Variants in COL28A1 observed in about 807,000 individuals in gnomAD.
COL28A1 encodes the protein collagen type XXVIII alpha 1 chain, also known as collagen alpha-1(XXVIII) chain.
Under a neutral mutation model 150.2 loss-of-function variants are expected in COL28A1, and 161 were observed. The ratio of observed to expected loss-of-function variants is 1.07; its 90% CI spans 0.94 to 1.22. COL28A1 has a LOEUF of 1.22. Ranked by LOEUF, COL28A1 falls within the 50% of genes most tolerant of loss-of-function variation. The pLI, the probability that COL28A1 is intolerant of heterozygous loss-of-function variation, is 0.00. For synonymous variants in COL28A1, 552 were observed against 469.7 expected, an observed-to-expected ratio of 1.18 and a Z score of -2.26; for missense variants, 1,617 against 1,388.3, an observed-to-expected ratio of 1.16 and a Z score of -2.62.
Position 7,370,767 on chromosome 7 carries a change from G to A in COL28A1, c.3024C>T (p.Leu1008=). The part of the protein sequence containing the change: ...QPGFGMSGEE[L]SESTPEPQKE... Reference sequence around the variant, plus strand: ...TTTGAGGCTCTGGAGTAGATTCACTGAGTTCTTCCCCTGACATCCCAAATC... The same window carrying A: ...TTTGAGGCTCTGGAGTAGATTCACTAAGTTCTTCCCCTGACATCCCAAATC... The change falls in exon 33 of 35, where the codon CTC becomes CTT. Residue 1008 remains leucine (L), a synonymous_variant. Coordinates refer to ENST00000399429, the MANE Select transcript of COL28A1 (RefSeq NM_001037763.3). The A allele has an allele frequency of 3.7e-6, 6 of 1,613,708 alleles. No individual in the cohort carries two copies. Among genetic ancestry groups the A allele is most frequent in the Non-Finnish European group, 5.1e-6 (6 of 1,179,804 alleles).
chr7:7,430,901 C>T (rs1361381360), intron 25 of COL28A1, among the ~76,000 whole-genome samples: 6 of 152,286 alleles, frequency 3.9e-5, no homozygotes, highest in South Asian at 4.2e-4. Context: ...GATCCTTCAT[C>T]GAAGCACCTC....
chr7:7,358,644 T>C lies in COL28A1; in HGVS notation c.3367A>G (p.Ile1123Val), dbSNP rs774522241. 3 of 1,613,924 alleles carry C rather than the reference T, an allele frequency of 1.9e-6. No homozygotes were observed. The highest frequency in any genetic ancestry group is 2.2e-5 in the South Asian group (2 of 91,014). The change falls in exon 35 of 35, where the codon ATT (isoleucine) becomes GTT (valine). Residue 1123 changes from isoleucine (I) to valine (V), a missense_variant. Coordinates refer to ENST00000399429, the MANE Select transcript of COL28A1 (RefSeq NM_001037763.3). ...GCCAATTTACTTGCTCATCCTTGAA[T>C]GCAGGTTTCTTGACATTCCTTTTCA... ...NSEKECQETC[I>V]QG is the part of the protein sequence containing the mutation.
chr7:7,453,364 C>T (rs17167926), intron 17 of COL28A1, 76 bp downstream of exon 17: 64,239 of 830,132 alleles, frequency 0.077, 2,676 homozygotes, highest in Middle Eastern at 0.1. Context: ...TGCTGTCTTC[C>T]CTTGCACTGG....
chr7:7,443,554 G>A, intron 20 of COL28A1, 31 bp downstream of exon 20: 1 of 1,613,114 alleles, frequency 6.2e-7, no homozygotes, highest in Non-Finnish European at 8.5e-7. Context: ...CAGAACACAG[G>A]CTGCTTCCAC....
intron 26 of COL28A1, among the ~76,000 whole-genome samples, chr7:7,418,836 T>TG (rs1212524460): frequency 1.3e-5 from 2 of 152,128 alleles, no homozygotes; most frequent in Non-Finnish European, 2.9e-5. Context: ...ACTAACATCT[T>TG]GGGGGGATCT....
intron 27 of COL28A1, among the ~76,000 whole-genome samples, chr7:7,384,245 T>A (rs1201293848): frequency 2.6e-5 from 4 of 152,172 alleles, no homozygotes; most frequent in African/African-American, 9.7e-5. Context: ...TGGAAATGGG[T>A]ATGCAGTGTT....
intron 17 of COL28A1, among the ~76,000 whole-genome samples, chr7:7,452,664 G>C (rs747576591): frequency 6.6e-6 from 1 of 152,190 alleles, no homozygotes; most frequent in Non-Finnish European, 1.5e-5. Context: ...CTTGTGGAGG[G>C]TATCTGGAAA....
At chr7:7,494,275 T>C (rs937899763) in intron 11 of COL28A1, among the ~76,000 whole-genome samples, 25 of 152,280 alleles carry the variant, frequency 1.6e-4, no homozygotes, top group Non-Finnish European at 3.1e-4. Flanking sequence ...GGTTTTTTTT[T>C]CGAACTCCTT....
At chr7:7,407,294 C>A (rs1783543367) in intron 27 of COL28A1, among the ~76,000 whole-genome samples, 1 of 151,882 alleles carries the variant, frequency 6.6e-6, no homozygotes, top group South Asian at 2.1e-4. Context: ...AAATATAACA[C>A]AGAGAATTTT....
At chr7:7,501,959 A>C (rs1258452788) in intron 11 of COL28A1, among the ~76,000 whole-genome samples, 1 of 152,002 alleles carries the variant, frequency 6.6e-6, no homozygotes, top group Non-Finnish European at 1.5e-5. Context: ...GCAGTGGTGC[A>C]ATCTTGGCTC....
chr7:7,471,296 T>A (rs1788406246), intron 15 of COL28A1, among the ~76,000 whole-genome samples: 1 of 151,898 alleles, frequency 6.6e-6, no homozygotes, highest in Non-Finnish European at 1.5e-5. Flanking sequence ...TACCAGACAT[T>A]CAAAGAATTA....
intron 33 of COL28A1, among the ~76,000 whole-genome samples, chr7:7,363,073 GT>G (rs918201348): frequency 1.3e-5 from 2 of 151,728 alleles, no homozygotes; most frequent in Non-Finnish European, 2.9e-5. Flanking sequence ...AAAAGTACTG[GT>G]TTTTTTTGCC....
Position 7,358,554 on chromosome 7 carries a change from A to G in COL28A1, c.*79T>C. On this transcript the variant is annotated 3_prime_UTR_variant, in exon 35 of 35. Transcript: ENST00000399429. ...AAATACTCAGTATACACTCAAATAT[A>G]GTGCTGTATTTGTATTGGGTGAATA... 1 of 1,283,594 alleles carries G rather than the reference A, an allele frequency of 7.8e-7. No homozygotes were observed. The highest frequency in any genetic ancestry group is 1.1e-6 in the Non-Finnish European group (1 of 898,316). 79.5% of individuals were successfully genotyped at this position (1,283,594 alleles called of 1,614,324 possible).
intron 10 of COL28A1, among the ~76,000 whole-genome samples, chr7:7,506,571 T>G (rs1249776091): frequency 6.6e-6 from 1 of 152,194 alleles, no homozygotes; most frequent in East Asian, 1.9e-4. Context: ...TGAAATTAAC[T>G]CCTCACACAG....
At chr7:7,349,527 C>G in the COL28A1 span, among the ~76,000 whole-genome samples, 1 of 152,122 alleles carries the variant, frequency 6.6e-6, no homozygotes, top group Non-Finnish European at 1.5e-5. Context: ...TTACAGTACT[C>G]TTCCTTCAGA....
Position 7,358,541 on chromosome 7 carries a change from T to G in COL28A1, c.*92A>C. 8.6e-7 allele frequency: 1 copy of G among 1,159,966 alleles called. No individual in the cohort carries two copies. The highest frequency in any genetic ancestry group is 1.4e-5 in the South Asian group (1 of 69,848). The allele number at this position is 1,159,966 out of a possible 1,614,324, so 71.9% of individuals were successfully genotyped here. A position where few individuals can be genotyped will look rare whatever the true frequency, so the allele number is the denominator to read the frequency against. ...ATGTATAAGTTGTAAATACTCAGTA[T>G]ACACTCAAATATAGTGCTGTATTTG... On this transcript the variant is annotated 3_prime_UTR_variant, in exon 35 of 35. Transcript: ENST00000399429.
chr7:7,542,632 G>C, the COL28A1 span, among the ~76,000 whole-genome samples: 334 of 152,298 alleles, frequency 2.2e-3, 3 homozygotes, highest in South Asian at 4.4e-3. Flanking sequence ...GATAAACAGT[G>C]GTTTCTTTTA....
downstream of COL28A1, among the ~76,000 whole-genome samples, chr7:7,353,237 A>T (rs1178463809): frequency 6.6e-6 from 1 of 152,180 alleles, no homozygotes; most frequent in Non-Finnish European, 1.5e-5. Flanking sequence ...AACATTGATT[A>T]CAAGTTTATC....
At chr7:7,424,022 A>G (rs1169262923) in intron 25 of COL28A1, among the ~76,000 whole-genome samples, 3 of 152,200 alleles carry the variant, frequency 2.0e-5, no homozygotes, top group Non-Finnish European at 2.9e-5. Flanking sequence ...CCTTATCCAT[A>G]TAATTGTTGA....
Sources: allele counts gnomAD v4.1 joint callset (sites outside exome capture counted in the v4.1 genomes callset), GRCh38; gene constraint gnomAD v4.1.1; transcripts MANE v1.5; gene names NCBI Gene and HGNC (gene_info 2026-07-23, HGNC 2026-07-21).